The following LCORL variants were observed in gnomAD, a reference collection of about 807,000 sequenced individuals.
The protein encoded by LCORL is ligand dependent nuclear receptor corepressor like.
In LCORL, 41 loss-of-function variants were observed where a neutral mutation model predicts 141.8. The observed-to-expected ratio is 0.29, with a 90% CI of 0.23 to 0.38. LCORL has a LOEUF of 0.38. LCORL is among the 10% of genes least tolerant of loss of function. The pLI is 1.00. For synonymous variants in LCORL, 618 were observed against 694.1 expected (o/e 0.89, Z 1.72); for missense variants, 1,759 against 2,035.0 (o/e 0.86, Z 2.61).
At chr4:17,855,074 C>A (rs10428367) in intron 7 of LCORL, among the ~76,000 whole-genome samples, 4 of 151,788 alleles carry the variant, frequency 2.6e-5, no homozygotes, top group East Asian at 1.9e-4. Context: ...ATAAAAAAAA[C>A]AGTTTTCTCC....
intron 5 of LCORL, among the ~76,000 whole-genome samples, chr4:17,902,452 A>C (rs1731033243): frequency 6.6e-6 from 1 of 152,176 alleles, no homozygotes; most frequent in African/African-American, 2.4e-5. Flanking sequence ...ACAGAAAACA[A>C]AAGCTCGGCA....
In LCORL at chr4:18,016,184, GCAAACA is replaced by G. The variant is rs1724601117; in HGVS notation, c.154+5408_154+5413del. Among the ~76,000 whole-genome samples the G allele has an allele frequency of 6.0e-5, 9 of 149,870 alleles. No individual in the cohort carries two copies. In the South Asian group the frequency reaches 1.3e-3, roughly 21 times the overall value. On this transcript the variant is annotated intron_variant, in intron 1 of 7. Transcript: ENST00000635767. Reference sequence around the variant, plus strand: ...TAACCTGTGTAAACCAATCATACTAGCAAACACTTAGGGAATGCTTTCTATATGAAA... The same window carrying G: ...TAACCTGTGTAAACCAATCATACTAGCTTAGGGAATGCTTTCTATATGAAA...
chr4:17,997,281 T>C (rs1433134131), intron 1 of LCORL, among the ~76,000 whole-genome samples: 2 of 152,144 alleles, frequency 1.3e-5, no homozygotes, highest in African/African-American at 2.4e-5. Context: ...CAACACCACA[T>C]TCTCCAAGCA....
chr4:17,917,781 G>T (rs1733682488), intron 4 of LCORL, among the ~76,000 whole-genome samples: 1 of 152,166 alleles, frequency 6.6e-6, no homozygotes. Flanking sequence ...TTAAACAAAA[G>T]AACTCTGGGA....
chr4:17,925,667 C>G (rs1376811199), intron 4 of LCORL, among the ~76,000 whole-genome samples: 1 of 151,860 alleles, frequency 6.6e-6, no homozygotes. Flanking sequence ...GTCAGAAGAT[C>G]GAGACCATCC....
chr4:17,875,992 C>T (rs971079995), exon 7 of LCORL: 50 of 1,230,828 alleles, frequency 4.1e-5, no homozygotes, highest in African/African-American at 4.7e-5. Context: ...TCTTCAGTTA[C>T]GTGATGGGTT....
intron 1 of LCORL, among the ~76,000 whole-genome samples, chr4:17,998,107 G>T (rs574436086): frequency 1.3e-5 from 2 of 152,024 alleles, no homozygotes; most frequent in Non-Finnish European, 2.9e-5. Context: ...ATACCTAAAC[G>T]TATCTAAACA....
chr4:17,928,345 A>G (rs182089380), intron 4 of LCORL, among the ~76,000 whole-genome samples: 100 of 152,284 alleles, frequency 6.6e-4, no homozygotes, highest in Non-Finnish European at 1.9e-4. Context: ...CCAGGCAGGC[A>G]AGGCTGCAAT....
At chr4:17,991,957 C>T (rs1720092637) in intron 1 of LCORL, among the ~76,000 whole-genome samples, 1 of 152,204 alleles carries the variant, frequency 6.6e-6, no homozygotes, top group East Asian at 1.9e-4. Flanking sequence ...TGGTGAGACA[C>T]AGAGAGTAAT....
chr4:17,895,226 T>C (rs191893675), intron 5 of LCORL, among the ~76,000 whole-genome samples: 1 of 152,232 alleles, frequency 6.6e-6, no homozygotes, highest in African/African-American at 2.4e-5. Context: ...CCATTAACTA[T>C]AGTCACCCTA....
At chr4:17,896,387 G>A (rs1405686277) in intron 5 of LCORL, among the ~76,000 whole-genome samples, 3 of 151,994 alleles carry the variant, frequency 2.0e-5, no homozygotes, top group South Asian at 2.1e-4. Flanking sequence ...AGGTTCAAGC[G>A]ATTCTCCTGT....
In LCORL at chr4:17,937,745, A is replaced by T. The variant is rs114009449; in HGVS notation, c.430+24158T>A. Among the ~76,000 whole-genome samples the T allele has an allele frequency of 4.7e-3, 720 of 152,242 alleles. 1 individual carries two copies. The highest frequency in any genetic ancestry group is 7.0e-3 in the Non-Finnish European group (476 of 68,028). Reference sequence around the variant, plus strand: ...ATAAAAAGACAAATTTAAATTCATTATATTATTACTTTATCTATGGATAAG... The same window carrying T: ...ATAAAAAGACAAATTTAAATTCATTTTATTATTACTTTATCTATGGATAAG... On this transcript the variant is annotated intron_variant, in intron 4 of 7. Transcript: ENST00000635767.
intron 1 of LCORL, among the ~76,000 whole-genome samples, chr4:18,018,315 G>C (rs893543227): frequency 2.6e-5 from 4 of 151,966 alleles, no homozygotes; most frequent in Non-Finnish European, 4.4e-5. Flanking sequence ...ATAAGCACTC[G>C]AACATTTGTG....
intron 7 of LCORL, among the ~76,000 whole-genome samples, chr4:17,871,605 T>C (rs1003042083): frequency 9.2e-5 from 14 of 152,032 alleles, no homozygotes; most frequent in African/African-American, 3.4e-4. Flanking sequence ...TCTGGTTAAC[T>C]GTAACAGCAT....
chr4:17,914,784 A>C (rs1440303828), intron 4 of LCORL, among the ~76,000 whole-genome samples: 2 of 152,310 alleles, frequency 1.3e-5, no homozygotes, highest in African/African-American at 2.4e-5. Context: ...ATCAGACAAG[A>C]ACAATTATTT....
At chr4:17,990,642 G>GTTTTT (rs979642708) in intron 1 of LCORL, among the ~76,000 whole-genome samples, 4 of 131,350 alleles carry the variant, frequency 3.0e-5, no homozygotes, top group African/African-American at 1.1e-4. Flanking sequence ...TCCCATCTTG[G>GTTTTT]TTTTTTTTTT....
intron 7 of LCORL, among the ~76,000 whole-genome samples, chr4:17,863,898 A>G (rs775720417): frequency 1.3e-4 from 20 of 152,324 alleles, no homozygotes; most frequent in Non-Finnish European, 2.1e-4. Context: ...GCAGGAATGG[A>G]AAACAAAACA....
chr4:17,922,791 A>T (rs1019387964), intron 4 of LCORL, among the ~76,000 whole-genome samples: 1 of 152,174 alleles, frequency 6.6e-6, no homozygotes, highest in African/African-American at 2.4e-5. Flanking sequence ...AAACCTGATG[A>T]GGCTGGGAAC....
At chr4:18,002,735 C>T (rs1239122528) in intron 1 of LCORL, among the ~76,000 whole-genome samples, 1 of 152,114 alleles carries the variant, frequency 6.6e-6, no homozygotes, top group Non-Finnish European at 1.5e-5. Context: ...ATGCTTTCTC[C>T]TATTTTTGTA....
Sources: allele counts gnomAD v4.1 joint callset (sites outside exome capture counted in the v4.1 genomes callset), GRCh38; gene constraint gnomAD v4.1.1; transcripts MANE v1.5; gene names NCBI Gene and HGNC (gene_info 2026-07-23, HGNC 2026-07-21).